RHCE: variants seen among roughly 807,000 people sequenced by gnomAD.
RHCE encodes Rh blood group CcEe antigens.
A neutral mutation model predicts 43.8 loss-of-function variants in RHCE; 22 were observed. That is an observed-to-expected ratio of 0.50 (90% CI 0.36 to 0.72). The LOEUF is 0.72. Ranked by LOEUF, RHCE falls within the 30% of genes least tolerant of loss-of-function variation. RHCE has a pLI of 0.00. For missense variants in RHCE, 385 were observed against 525.4 expected, an observed-to-expected ratio of 0.73 and a Z score of 2.61; for synonymous variants, 156 against 210.7, an observed-to-expected ratio of 0.74 and a Z score of 2.25.
rs1026611424 is a variant in RHCE at position 25,389,123 on chromosome 1, A to C, written c.802-10T>G. On this transcript the variant is annotated splice_polypyrimidine_tract_variant and intron_variant, in intron 5 of 9. Coordinates refer to ENST00000294413, the MANE Select transcript of RHCE (RefSeq NM_020485.8). ...CACTGTGCACATAAGTCTGCAAAGA[A>C]ATAGCGTGTGGGTAAAGGAAGCAAG... 9 of 1,613,578 alleles carry C rather than the reference A, an allele frequency of 5.6e-6. No homozygotes were observed. The highest frequency in any genetic ancestry group is 1.3e-5 in the African/African-American group (1 of 74,918).
At chr1:25,401,930 G>T (rs1646758670) in intron 3 of RHCE, among the ~76,000 whole-genome samples, 1 of 151,746 alleles carries the variant, frequency 6.6e-6, no homozygotes, top group East Asian at 1.9e-4. Flanking sequence ...AGGCTGCAGT[G>T]CAATGGCGCG....
At position 25,419,251 on chromosome 1, in the gene RHCE, T is replaced by C. The variant is rs1401848944; in HGVS notation, c.148+1388A>G. On this transcript the variant is annotated intron_variant, in intron 1 of 9. Transcript: ENST00000294413. ...ATATCAGTTCTAATCATCATGTGTC[T>C]GGATCCCACATTGGATGTCATACAT... is the stretch of plus-strand genomic sequence containing the variant. 2.6e-5 allele frequency among the ~76,000 whole-genome samples: 4 copies of C among 152,238 alleles called. No homozygotes were observed. In the South Asian group the frequency reaches 6.2e-4, roughly 24 times the overall value.
At chr1:25,371,250 T>C (rs578111060) in intron 8 of RHCE, among the ~76,000 whole-genome samples, 1 of 151,566 alleles carries the variant, frequency 6.6e-6, no homozygotes, top group East Asian at 1.9e-4. Context: ...GTCTGTCTTC[T>C]CTGGCTCCAG....
chr1:25,403,862 C>A (rs1646830921), intron 2 of RHCE, among the ~76,000 whole-genome samples: 1 of 151,832 alleles, frequency 6.6e-6, no homozygotes. Context: ...ACAGCATCAC[C>A]TCTTTTAAAT....
intron 7 of RHCE, among the ~76,000 whole-genome samples, chr1:25,384,727 G>A (rs1248318959): frequency 1.3e-5 from 2 of 152,142 alleles, no homozygotes; most frequent in Middle Eastern, 3.2e-3. Flanking sequence ...TCTGAGACAC[G>A]TCCAAACACA....
At chr1:25,423,386 C>A (rs954793409), upstream of RHCE, among the ~76,000 whole-genome samples, 7 of 152,192 alleles carry the variant, frequency 4.6e-5, no homozygotes, top group Non-Finnish European at 2.9e-5. Context: ...TAAAGATTTC[C>A]AGGCAATGCC....
intron 2 of RHCE, among the ~76,000 whole-genome samples, chr1:25,427,757 T>G (rs1412604454): frequency 1.3e-5 from 2 of 152,260 alleles, no homozygotes; most frequent in Admixed American, 6.5e-5. Flanking sequence ...TTGAGCTAGA[T>G]TGCTCTACCA....
chr1:25,420,914 C>A, upstream of RHCE: 1 of 1,548,168 alleles, frequency 6.5e-7, no homozygotes, highest in East Asian at 2.4e-5. Context: ...GGCTGCAAGG[C>A]TGGCTGTGCT....
At chr1:25,370,598 A>G (rs1645577228) in intron 8 of RHCE, 58 bp from the exon 9 acceptor site, 7 of 1,431,162 alleles carry the variant, frequency 4.9e-6, no homozygotes, top group Non-Finnish European at 6.9e-6. Context: ...TTTAATCTCA[A>G]GATTAATCAA....
At chr1:25,399,823 CA>C in intron 3 of RHCE, among the ~76,000 whole-genome samples, 1 of 152,232 alleles carries the variant, frequency 6.6e-6, no homozygotes, top group African/African-American at 2.4e-5. Context: ...ATAGACGTAT[CA>C]AAATATTACC....
In RHCE at chr1:25,416,819, C is replaced by CCGG. The variant is rs374204674; in HGVS notation, c.148+3819_148+3820insCCG. Among the ~76,000 whole-genome samples, 12 of 116,794 alleles carry CCGG rather than the reference C, an allele frequency of 1.0e-4. 1 individual carries two copies. Among genetic ancestry groups the CCGG allele is most frequent in the African/African-American group, 4.3e-4 (11 of 25,344 alleles). The allele number at this position is 116,794 out of a possible 152,430, so 76.6% of individuals were successfully genotyped here. On this transcript the variant is annotated intron_variant, in intron 1 of 9. Coordinates refer to ENST00000294413, the MANE Select transcript of RHCE (RefSeq NM_020485.8). ...TTTTTTTTTTTTTTTTTAGAGATGG[C>CCGG]GGGGGGGGGTCTCCCTATGTTTCCT... is the stretch of plus-strand genomic sequence containing the variant.
intron 8 of RHCE, 70 bp from the exon 9 acceptor site, chr1:25,370,610 A>C: frequency 1.5e-6 from 2 of 1,372,806 alleles, no homozygotes; most frequent in Middle Eastern, 1.8e-4. Flanking sequence ...ATTAATCAAA[A>C]TATTGTGTGT....
intron 1 of RHCE, among the ~76,000 whole-genome samples, chr1:25,413,602 C>G (rs1647169913): frequency 6.6e-6 from 1 of 152,008 alleles, no homozygotes; most frequent in African/African-American, 2.4e-5. Flanking sequence ...AGAAGTCTAA[C>G]CTGGTAGTTC....
intron 8 of RHCE, among the ~76,000 whole-genome samples, chr1:25,372,604 C>T (rs980333356): frequency 1.3e-5 from 2 of 151,614 alleles, no homozygotes; most frequent in Non-Finnish European, 2.9e-5. Context: ...CCTCTAGAAA[C>T]CTAGCCCACC....
At chr1:25,388,290 A>G (rs567851389) in intron 6 of RHCE, among the ~76,000 whole-genome samples, 22 of 129,808 alleles carry the variant, frequency 1.7e-4, no homozygotes, top group Non-Finnish European at 8.0e-5. Context: ...GTATTCTGGA[A>G]CGATCAGGAT....
At chr1:25,362,657 ATTCT>A (rs1645435973) in intron 9 of RHCE, 104 bp from the exon 10 acceptor site, 2 of 689,026 alleles carry the variant, frequency 2.9e-6, no homozygotes, top group East Asian at 5.6e-5. Flanking sequence ...GACCTTAGAA[ATTCT>A]TTCATAAAAT....
chr1:25,382,551 A>G (rs1646031862), intron 7 of RHCE, among the ~76,000 whole-genome samples: 1 of 151,424 alleles, frequency 6.6e-6, no homozygotes, highest in Admixed American at 6.6e-5. Context: ...TGGAAAAAGA[A>G]ATGAATGAAG....
At chr1:25,417,799 C>A (rs1466271251) in intron 1 of RHCE, among the ~76,000 whole-genome samples, 8 of 152,134 alleles carry the variant, frequency 5.3e-5, no homozygotes, top group Non-Finnish European at 1.0e-4. Context: ...TGTACACCAT[C>A]AGAAGGTTGA....
chr1:25,378,291 C>T (rs577997613), intron 7 of RHCE, among the ~76,000 whole-genome samples: 14 of 152,280 alleles, frequency 9.2e-5, no homozygotes, highest in Admixed American at 1.3e-4. Context: ...TACTGTATAA[C>T]TCAACAATTT....
Sources: allele counts gnomAD v4.1 joint callset (sites outside exome capture counted in the v4.1 genomes callset), GRCh38; gene constraint gnomAD v4.1.1; transcripts MANE v1.5; gene names NCBI Gene and HGNC (gene_info 2026-07-23, HGNC 2026-07-21).